Variants in GAK observed in about 807,000 individuals in gnomAD.
GAK encodes the protein cyclin-G-associated kinase.
GAK carries 79 observed loss-of-function variants against 143.9 expected under a neutral mutation model. The ratio of observed to expected loss-of-function variants is 0.55; its 90% CI spans 0.46 to 0.66. The LOEUF (loss-of-function observed/expected upper bound fraction) is 0.66, where lower values mean the gene tolerates loss of function less well. Among genes scored for constraint, GAK ranks in the 30% least tolerant of loss-of-function variants. GAK has a pLI of 0.00. For missense variants in GAK, 1,693 were observed against 1,779.7 expected, an observed-to-expected ratio of 0.95 and a Z score of 0.88; for synonymous variants, 881 against 765.5, an observed-to-expected ratio of 1.15 and a Z score of -2.49.
chr4:897,050 G>C (rs879812601), intron 6 of GAK, among the ~76,000 whole-genome samples: 1 of 152,258 alleles, frequency 6.6e-6, no homozygotes, highest in Admixed American at 6.5e-5. Flanking sequence ...ACTTGCGAGA[G>C]GCAGAGGCTG....
At position 912,299 on chromosome 4, in the gene GAK, C is replaced by T. The variant is rs73064439; in HGVS notation, c.267+436G>A. 9.5e-4 allele frequency: 379 copies of T among 397,800 alleles called. 2 individuals are homozygous for T. The highest frequency in any genetic ancestry group is 7.0e-3 in the African/African-American group (343 of 49,180). 24.6% of individuals were successfully genotyped at this position (397,800 alleles called of 1,614,324 possible). A position where few individuals can be genotyped will look rare whatever the true frequency, so the allele number is the denominator to read the frequency against. Reference sequence around the variant, plus strand: ...ATCCTCTGTCAGCGCCGGGAGATGCCCCGCCCAGTCATGCTGGGACAGCCT... The same window carrying T: ...ATCCTCTGTCAGCGCCGGGAGATGCTCCGCCCAGTCATGCTGGGACAGCCT... On this transcript the variant is annotated intron_variant, in intron 3 of 27. Coordinates refer to ENST00000314167, the MANE Select transcript of GAK (RefSeq NM_005255.4).
intron 1 of GAK, among the ~76,000 whole-genome samples, chr4:923,193 C>G (rs1272382344): frequency 6.6e-6 from 1 of 152,160 alleles, no homozygotes; most frequent in Non-Finnish European, 1.5e-5. Context: ...GGAAACCAGG[C>G]AAGGGTCTAA....
At chr4:867,864 A>G (rs3822026) in intron 20 of GAK, among the ~76,000 whole-genome samples, 94,238 of 151,928 alleles carry the variant, frequency 0.62, 29,403 homozygotes, top group South Asian at 0.81. Flanking sequence ...CGTCTCCAGC[A>G]CACCCACCTC....
At chr4:929,167 T>C (rs115177245) in intron 1 of GAK, among the ~76,000 whole-genome samples, 3,397 of 151,338 alleles carry the variant, frequency 0.022, 133 homozygotes, top group African/African-American at 0.077. Context: ...GGGGTGGGAG[T>C]AGGCTGTGCC....
intron 23 of GAK, among the ~76,000 whole-genome samples, chr4:860,754 A>G (rs1429224226): frequency 2.1e-5 from 3 of 144,672 alleles, no homozygotes; most frequent in African/African-American, 8.1e-5. Context: ...TGTGCACTCG[A>G]GGGGACGGGC....
At chr4:926,640 T>C (rs1003805832) in intron 1 of GAK, among the ~76,000 whole-genome samples, 1 of 152,182 alleles carries the variant, frequency 6.6e-6, no homozygotes, top group Admixed American at 6.5e-5. Context: ...CCATTTTTAC[T>C]TCACGCTGGG....
intron 6 of GAK, 21 bp downstream of exon 6, chr4:898,012 C>A: frequency 6.2e-7 from 1 of 1,605,144 alleles, no homozygotes; most frequent in Non-Finnish European, 8.5e-7. Context: ...CTTCCCCCAG[C>A]ATAGGCCCCA....
At chr4:850,220 C>A in intron 26 of GAK, 152 bp from the exon 27 acceptor site, 1 of 703,114 alleles carries the variant, frequency 1.4e-6, no homozygotes, top group South Asian at 2.1e-5. Context: ...CACGCCCTGC[C>A]CTCAACTATA....
intron 24 of GAK, among the ~76,000 whole-genome samples, chr4:854,993 G>A (rs181533706): frequency 2.2e-4 from 33 of 152,324 alleles, no homozygotes; most frequent in Non-Finnish European, 4.0e-4. Context: ...GCAGTGAGCC[G>A]AGATCAGGCC....
At chr4:889,063 G>A in intron 10 of GAK, 93 bp from the exon 11 acceptor site, 2 of 1,405,674 alleles carry the variant, frequency 1.4e-6, no homozygotes, top group Non-Finnish European at 9.4e-7. Context: ...CAGGCGCTCG[G>A]TCCCACCTCC....
intron 23 of GAK, among the ~76,000 whole-genome samples, chr4:860,757 G>A (rs1307305630): frequency 2.6e-5 from 4 of 150,996 alleles, no homozygotes; most frequent in African/African-American, 7.3e-5. Context: ...GCACTCGAGG[G>A]GACGGGCACC....
intron 24 of GAK, chr4:852,196 G>A: frequency 4.9e-6 from 3 of 606,644 alleles, no homozygotes; most frequent in Non-Finnish European, 5.9e-6. Flanking sequence ...ACTCTGGATG[G>A]AGGGCAGACA....
At chr4:890,697 G>GT in intron 9 of GAK, 75 bp from the exon 10 acceptor site, 1 of 1,229,392 alleles carries the variant, frequency 8.1e-7, no homozygotes, top group Non-Finnish European at 1.2e-6. Context: ...CAGAGGTACG[G>GT]TATGGGTGCC....
chr4:850,021 C>T lies in GAK; in HGVS notation c.3705G>A (p.Leu1235=), dbSNP rs752149082. ...CCCACAGCACTGTGTGCAGCGTGGA[C>T]AGCAGGGCCCGGATGTTCCGCTCCT... ...EGKERNIRAL[L]STLHTVLWDG... Residue 1235 remains leucine (L), a synonymous_variant, in exon 27 of 28, where the codon CTG becomes CTA. Transcript: ENST00000314167. 6 of 1,604,674 alleles carry T rather than the reference C, an allele frequency of 3.7e-6. No homozygotes were observed. In the African/African-American group the frequency reaches 4.0e-5, roughly 11 times the overall value.
Position 882,758 on chromosome 4 carries a change from C to T in GAK, c.1466G>A (p.Cys489Tyr). 2 of 1,612,382 alleles carry T rather than the reference C, an allele frequency of 1.2e-6. No individual in the cohort carries two copies. The highest frequency in any genetic ancestry group is 1.7e-6 in the Non-Finnish European group (2 of 1,179,960). ...CCGCAGCCAGGCGTGCATGTTCCTG[C>T]AGATGTTGTACAGGGTGTGCAGGTG... ...APHLHTLYNICRNMHAWLRQD... is the reference protein window; with the variant it reads ...APHLHTLYNIYRNMHAWLRQD... The change falls in exon 14 of 28, where the codon TGC becomes TAC. Residue 489 changes from cysteine (C) to tyrosine (Y), a missense_variant. Transcript: ENST00000314167.
intron 23 of GAK, among the ~76,000 whole-genome samples, chr4:864,841 G>A (rs1397668718): frequency 1.3e-5 from 2 of 152,234 alleles, no homozygotes; most frequent in Non-Finnish European, 2.9e-5. Flanking sequence ...ACGCCCTGCC[G>A]GGTGGGAGGA....
Position 849,975 on chromosome 4 carries a change from G to T in GAK, c.3751C>A (p.Pro1251Thr). ...VLWDGESRWT[P>T]VGMADLVAPE... ...GCCACCAGGTCGGCCATGCCCACGGGCGTCCAGCGGCTCTCCCCGTCCCAC... is the reference window on the plus strand; with the variant it reads ...GCCACCAGGTCGGCCATGCCCACGGTCGTCCAGCGGCTCTCCCCGTCCCAC... Residue 1251 changes from proline to threonine, a missense_variant, in exon 27 of 28, where the codon CCC becomes ACC. Pro to Thr is a conservative substitution (Grantham distance 38). This residue lies in a region of GAK where 822 missense variants were observed against 788.7 expected (regional missense o/e 1.04). Transcript: ENST00000314167. 6.2e-7 allele frequency: 1 copy of T among 1,611,884 alleles called. No homozygotes were observed. Among genetic ancestry groups the T allele is most frequent in the Middle Eastern group, 1.7e-4 (1 of 6,056 alleles).
chr4:854,409 C>T (rs1748767336), intron 24 of GAK, among the ~76,000 whole-genome samples: 1 of 152,160 alleles, frequency 6.6e-6, no homozygotes, highest in South Asian at 2.1e-4. Context: ...GAAGTTGGGT[C>T]CACCTGTCCT....
chr4:902,099 G>A (rs147882917), intron 5 of GAK, among the ~76,000 whole-genome samples: 4,592 of 152,130 alleles, frequency 0.03, 102 homozygotes, highest in South Asian at 0.09. Flanking sequence ...TTAGCCCGGC[G>A]TGGTGGCATA....
Sources: gnomAD v4.1 joint callset for allele counts (sites outside exome capture counted in the v4.1 genomes callset) on GRCh38, gnomAD v4.1.1 for gene constraint, gnomAD v4.1.1 regional missense constraint, MANE v1.5 for transcripts, NCBI Gene and HGNC (gene_info 2026-07-23, HGNC 2026-07-21) for gene names.